IFIT5: variants seen among roughly 807,000 people sequenced by gnomAD.
The protein encoded by IFIT5 is interferon-induced protein with tetratricopeptide repeats 5.
IFIT5 carries 2 observed loss-of-function variants against 5.0 expected under a neutral mutation model. The observed-to-expected ratio is 0.40, with a 90% CI of 0.16 to 1.26. IFIT5 has a LOEUF of 1.26. IFIT5 is among the 50% of genes most tolerant of loss of function. IFIT5 has a pLI of 0.33. For missense variants in IFIT5, 524 were observed against 563.2 expected, an observed-to-expected ratio of 0.93 and a Z score of 0.70; for synonymous variants, 206 against 204.6, an observed-to-expected ratio of 1.01 and a Z score of -0.06.
Position 89,419,849 on chromosome 10 carries a change from A to T in IFIT5, c.*1201A>T, listed in dbSNP as rs1196299986. ...TTCTTTGATTACCGACTACACAATT[A>T]TGTACCATCACAGTATTAGTGGAAA... On this transcript the variant is annotated 3_prime_UTR_variant, in exon 2 of 2. Transcript: ENST00000371795. 1 of 152,122 alleles carries T rather than the reference A, an allele frequency of 6.6e-6. No homozygotes were observed. The highest frequency in any genetic ancestry group is 1.5e-5 in the Non-Finnish European group (1 of 68,004). The allele number at this position is 152,122 out of a possible 1,614,324, so 9.4% of individuals were successfully genotyped here. A position where few individuals can be genotyped will look rare whatever the true frequency, so the allele number is the denominator to read the frequency against.
At position 89,417,737 on chromosome 10, in the gene IFIT5, T is replaced by A; in HGVS notation, c.538T>A (p.Tyr180Asn). 6.2e-7 allele frequency: 1 copy of A among 1,614,188 alleles called. No individual in the cohort carries two copies. The highest frequency in any genetic ancestry group is 1.3e-5 in the African/African-American group (1 of 75,046). Residue 180 changes from tyrosine (Y) to asparagine (N), a missense_variant, in exon 2 of 2, where the codon TAT becomes AAT. Tyr to Asn is a moderately radical substitution (Grantham distance 143). Coordinates refer to ENST00000371795, the MANE Select transcript of IFIT5 (RefSeq NM_012420.3). ...EPDNPEFNIG[Y>N]AITVYRLDDS... Reference sequence around the variant, plus strand: ...TGACAATCCAGAATTTAACATCGGCTATGCTATCACAGTGTATCGGCTGGA... The same window carrying A: ...TGACAATCCAGAATTTAACATCGGCAATGCTATCACAGTGTATCGGCTGGA...
At chr10:89,416,073 C>G (rs1173789758) in intron 1 of IFIT5, among the ~76,000 whole-genome samples, 1 of 152,202 alleles carries the variant, frequency 6.6e-6, no homozygotes, top group African/African-American at 2.4e-5. Context: ...CAGGCGTGTG[C>G]CACCACGCCT....
Position 89,419,113 on chromosome 10 carries a change from G to C in IFIT5, c.*465G>C, listed in dbSNP as rs924388973. ...TAGTTACAGATGTTTTGACTTTGAT[G>C]AGGATATTTAGCTATCAATCTAATA... On this transcript the variant is annotated 3_prime_UTR_variant, in exon 2 of 2. Coordinates refer to ENST00000371795, the MANE Select transcript of IFIT5 (RefSeq NM_012420.3). 2 of 152,632 alleles carry C rather than the reference G, an allele frequency of 1.3e-5. No homozygotes were observed. The highest frequency in any genetic ancestry group is 4.8e-5 in the African/African-American group (2 of 41,458). The allele number at this position is 152,632 out of a possible 1,614,324, so 9.5% of individuals were successfully genotyped here.
rs1203506557 is a variant in IFIT5 at position 89,418,634 on chromosome 10, C to T, written c.1435C>T (p.Arg479Ter). The change falls in exon 2 of 2, where the codon CGA becomes TGA. Residue 479 changes from arginine (R) to a stop codon, truncating the protein, a stop_gained. Coordinates refer to ENST00000371795, the MANE Select transcript of IFIT5 (RefSeq NM_012420.3). LOFTEE classifies it high-confidence loss of function. ...AEFLTALCEL[R>*]LSI ...ATTCCTGACTGCTCTCTGTGAGCTCCGACTTTCCATTTAAATACATACTCT... is the reference window on the plus strand; with the variant it reads ...ATTCCTGACTGCTCTCTGTGAGCTCTGACTTTCCATTTAAATACATACTCT... 5.0e-6 allele frequency: 8 copies of T among 1,608,996 alleles called. No individual in the cohort carries two copies. Among genetic ancestry groups the T allele is most frequent in the Admixed American group, 1.7e-5 (1 of 59,156 alleles).
At chr10:89,416,641 G>T (rs1841540549) in intron 1 of IFIT5, among the ~76,000 whole-genome samples, 1 of 152,202 alleles carries the variant, frequency 6.6e-6, no homozygotes, top group Non-Finnish European at 1.5e-5. Context: ...CATAATACCT[G>T]AGCAGCCCTC....
Position 89,418,775 on chromosome 10 carries a change from C to A in IFIT5, c.*127C>A. On this transcript the variant is annotated 3_prime_UTR_variant, in exon 2 of 2. Transcript: ENST00000371795. ...ATATTTATTGAATAGTTATTGTGTA[C>A]CAAGCATTGTGCTAAATACTTTATA... 2.1e-6 allele frequency: 2 copies of A among 955,150 alleles called. No individual in the cohort carries two copies. Among genetic ancestry groups the A allele is most frequent in the Non-Finnish European group, 3.1e-6 (2 of 655,010 alleles). 59.2% of individuals were successfully genotyped at this position (955,150 alleles called of 1,614,324 possible).
chr10:89,415,359 C>T (rs1055660828), intron 1 of IFIT5, among the ~76,000 whole-genome samples: 3 of 152,190 alleles, frequency 2.0e-5, no homozygotes, highest in South Asian at 4.1e-4. Flanking sequence ...GCTGCCATTC[C>T]CTCGGTGTGG....
chr10:89,419,381 C>G lies in IFIT5; in HGVS notation c.*733C>G, dbSNP rs201018447. 3.4e-5 allele frequency: 1 copy of G among 29,610 alleles called. No individual in the cohort carries two copies. Among genetic ancestry groups the G allele is most frequent in the South Asian group, 1.2e-3 (1 of 826 alleles). The allele number at this position is 29,610 out of a possible 1,614,324, so 1.8% of individuals were successfully genotyped here. ...GTTCTCTTTTTTTTTTTAACTAAAACAAATCTGCAATGAATCTAGATGCAA... is the reference window on the plus strand; with the variant it reads ...GTTCTCTTTTTTTTTTTAACTAAAAGAAATCTGCAATGAATCTAGATGCAA... On this transcript the variant is annotated 3_prime_UTR_variant, in exon 2 of 2. Coordinates refer to ENST00000371795, the MANE Select transcript of IFIT5 (RefSeq NM_012420.3).
chr10:89,414,622 G>C lies in IFIT5; in HGVS notation c.-177G>C, dbSNP rs1192389953. 3.7e-6 allele frequency: 2 copies of C among 542,576 alleles called. No homozygotes were observed. The highest frequency in any genetic ancestry group is 6.2e-6 in the Non-Finnish European group (2 of 323,294). The allele number at this position is 542,576 out of a possible 1,614,324, so 33.6% of individuals were successfully genotyped here. A position where few individuals can be genotyped will look rare whatever the true frequency, so the allele number is the denominator to read the frequency against. The stretch of plus-strand genomic sequence containing the variant: ...TCTCCAGTTTCCTGTTCTTGCTGGG[G>C]CTGGGGTCTCTCCTTTAACAAAGAC... On this transcript the variant is annotated 5_prime_UTR_variant, in exon 1 of 2. Transcript: ENST00000371795.
chr10:89,414,679 G>A lies in IFIT5; in HGVS notation c.-120G>A, dbSNP rs1841510752. 2 of 1,254,250 alleles carry A rather than the reference G, an allele frequency of 1.6e-6. No individual in the cohort carries two copies. Among genetic ancestry groups the A allele is most frequent in the Non-Finnish European group, 2.1e-6 (2 of 935,004 alleles). The allele number at this position is 1,254,250 out of a possible 1,614,324, so 77.7% of individuals were successfully genotyped here. On this transcript the variant is annotated 5_prime_UTR_variant, in exon 1 of 2. Transcript: ENST00000371795. ...CGCGGCCGAGTCCAGGGGCTGCAGA[G>A]GCCTGGCGCGCGCACGCGCACGCGC...
intron 1 of IFIT5, 54 bp from the exon 2 acceptor site, chr10:89,417,151 G>A: frequency 7.1e-7 from 1 of 1,418,124 alleles, no homozygotes; most frequent in Middle Eastern, 2.2e-4. Flanking sequence ...TTAAGGTTTA[G>A]AAAATTATTT....
chr10:89,416,115 G>A (rs1419209533), intron 1 of IFIT5, among the ~76,000 whole-genome samples: 2 of 151,784 alleles, frequency 1.3e-5, no homozygotes, highest in East Asian at 3.9e-4. Flanking sequence ...GTAGAGACGC[G>A]GGTTTCACCA....
At chr10:89,416,375 G>C (rs1841538162) in intron 1 of IFIT5, among the ~76,000 whole-genome samples, 1 of 152,222 alleles carries the variant, frequency 6.6e-6, no homozygotes, top group African/African-American at 2.4e-5. Context: ...CAGCCCCATT[G>C]GGGACTGTCT....
Position 89,414,682 on chromosome 10 carries a change from C to T in IFIT5, c.-117C>T. The T allele has an allele frequency of 2.3e-6, 3 of 1,308,376 alleles. No homozygotes were observed. The highest frequency in any genetic ancestry group is 3.1e-6 in the Non-Finnish European group (3 of 981,926). The allele number at this position is 1,308,376 out of a possible 1,614,324, so 81.0% of individuals were successfully genotyped here. A position where few individuals can be genotyped will look rare whatever the true frequency, so the allele number is the denominator to read the frequency against. On this transcript the variant is annotated 5_prime_UTR_variant, in exon 1 of 2. Transcript: ENST00000371795. ...GGCCGAGTCCAGGGGCTGCAGAGGC[C>T]TGGCGCGCGCACGCGCACGCGCACG...
chr10:89,417,079 A>G (rs1841544874), intron 1 of IFIT5, 126 bp from the exon 2 acceptor site: 1 of 749,504 alleles, frequency 1.3e-6, no homozygotes, highest in African/African-American at 1.8e-5. Context: ...GTTATGGGAA[A>G]CTTATGTTTT....
rs373846456 is a variant in IFIT5 at position 89,414,672 on chromosome 10, C to T, written c.-127C>T. ...CACGCCGCGCGGCCGAGTCCAGGGG[C>T]TGCAGAGGCCTGGCGCGCGCACGCG... On this transcript the variant is annotated 5_prime_UTR_variant, in exon 1 of 2. Transcript: ENST00000371795. 1.1e-5 allele frequency: 12 copies of T among 1,117,678 alleles called. No individual in the cohort carries two copies. The African/African-American group carries it at 2.0e-4, about 18-fold the overall frequency. 69.2% of individuals were successfully genotyped at this position (1,117,678 alleles called of 1,614,324 possible). A position where few individuals can be genotyped will look rare whatever the true frequency, so the allele number is the denominator to read the frequency against.
chr10:89,414,680 G>T lies in IFIT5; in HGVS notation c.-119G>T, dbSNP rs759004883. On this transcript the variant is annotated 5_prime_UTR_variant, in exon 1 of 2. Coordinates refer to ENST00000371795, the MANE Select transcript of IFIT5 (RefSeq NM_012420.3). Reference sequence around the variant, plus strand: ...GCGGCCGAGTCCAGGGGCTGCAGAGGCCTGGCGCGCGCACGCGCACGCGCA... The same window carrying T: ...GCGGCCGAGTCCAGGGGCTGCAGAGTCCTGGCGCGCGCACGCGCACGCGCA... 5 of 1,262,998 alleles carry T rather than the reference G, an allele frequency of 4.0e-6. No individual in the cohort carries two copies. Among genetic ancestry groups the T allele is most frequent in the African/African-American group, 1.6e-5 (1 of 63,800 alleles). 78.2% of individuals were successfully genotyped at this position (1,262,998 alleles called of 1,614,324 possible). A position where few individuals can be genotyped will look rare whatever the true frequency, so the allele number is the denominator to read the frequency against.
In IFIT5 at chr10:89,420,212, CTT is replaced by C. The variant is rs1487439289; in HGVS notation, c.*1567_*1568del. On this transcript the variant is annotated 3_prime_UTR_variant, in exon 2 of 2. Transcript: ENST00000371795. ...ATCTCACGTATTAATTTTTAAAAAT[CTT>C]TTGTTTTACTTAATTCTGTTTTTAT... is the stretch of plus-strand genomic sequence containing the variant. 2 of 152,000 alleles carry C rather than the reference CTT, an allele frequency of 1.3e-5. No individual in the cohort carries two copies. Among genetic ancestry groups the C allele is most frequent in the Non-Finnish European group, 1.5e-5 (1 of 67,986 alleles). 9.4% of individuals were successfully genotyped at this position (152,000 alleles called of 1,614,324 possible).
Position 89,418,417 on chromosome 10 carries a change from C to A in IFIT5, c.1218C>A (p.Val406=). Residue 406 remains valine, a synonymous_variant, in exon 2 of 2, where the codon GTC becomes GTA. Transcript: ENST00000371795. The part of the protein sequence containing the change: ...AIHHYLEALK[V]KDRSPLRTKL... ...ATCATTATTTAGAAGCCTTAAAGGTCAAAGACAGATCACCCCTTCGCACCA... is the reference window on the plus strand; with the variant it reads ...ATCATTATTTAGAAGCCTTAAAGGTAAAAGACAGATCACCCCTTCGCACCA... 6.2e-7 allele frequency: 1 copy of A among 1,614,136 alleles called. No homozygotes were observed. The highest frequency in any genetic ancestry group is 1.7e-5 in the Admixed American group (1 of 60,020).
Sources: allele counts gnomAD v4.1 joint callset (sites outside exome capture counted in the v4.1 genomes callset), GRCh38; gene constraint gnomAD v4.1.1; transcripts MANE v1.5; gene names NCBI Gene and HGNC (gene_info 2026-07-23, HGNC 2026-07-21).